Variants in PIGL observed in about 807,000 individuals in gnomAD.
PIGL encodes phosphatidylinositol glycan anchor biosynthesis class L, also known as N-acetylglucosaminyl-phosphatidylinositol de-N-acetylase.
A neutral mutation model predicts 31.1 loss-of-function variants in PIGL; 22 were observed. That is an observed-to-expected ratio of 0.71 (90% CI 0.51 to 1.01). PIGL has a LOEUF of 1.01. PIGL is among the 50% of genes least tolerant of loss of function. The pLI is 0.00. For missense variants in PIGL, 302 were observed against 315.9 expected (o/e 0.96, Z 0.33); for synonymous variants, 131 against 117.4 (o/e 1.12, Z -0.75).
chr17:16,251,064 A>G (rs909240482), intron 2 of PIGL, among the ~76,000 whole-genome samples: 6 of 152,228 alleles, frequency 3.9e-5, no homozygotes, highest in African/African-American at 1.4e-4. Context: ...TGAGGATTCA[A>G]AAACAGAAAG....
intron 3 of PIGL, among the ~76,000 whole-genome samples, chr17:16,302,687 A>G (rs1325192776): frequency 6.6e-6 from 1 of 151,728 alleles, no homozygotes; most frequent in African/African-American, 2.4e-5. Flanking sequence ...GCAGCATCCA[A>G]CTCCCTGGTT....
chr17:16,276,609 C>T (rs1048437148), intron 2 of PIGL, among the ~76,000 whole-genome samples: 5 of 152,256 alleles, frequency 3.3e-5, no homozygotes, highest in African/African-American at 1.2e-4. Flanking sequence ...TGGTGGCGGG[C>T]ACCTGTAATC....
At chr17:16,253,738 A>G (rs562666403) in intron 2 of PIGL, among the ~76,000 whole-genome samples, 47 of 152,280 alleles carry the variant, frequency 3.1e-4, no homozygotes, top group African/African-American at 1.1e-3. Context: ...GTTTGAGCCC[A>G]GGAATTCAAG....
chr17:16,257,469 T>TGAGCCTCTGAAGATGCC (rs1568802120), intron 2 of PIGL, among the ~76,000 whole-genome samples: 2 of 151,980 alleles, frequency 1.3e-5, no homozygotes, highest in East Asian at 3.9e-4. Context: ...CTGAAGATGG[T>TGAGCCTCTGAAGATGCC]GAGCCTCTGA....
intron 2 of PIGL, among the ~76,000 whole-genome samples, chr17:16,274,365 A>T (rs2092884861): frequency 6.6e-6 from 1 of 152,180 alleles, no homozygotes; most frequent in South Asian, 2.1e-4. Context: ...TTGCTGTAGA[A>T]CATAGGTCAC....
At chr17:16,316,538 C>T in intron 4 of PIGL, 143 bp from the exon 5 acceptor site, 1 of 721,494 alleles carries the variant, frequency 1.4e-6, no homozygotes, top group Non-Finnish European at 2.2e-6. Flanking sequence ...GAAATCTATA[C>T]AGTGATTTAT....
chr17:16,233,506 G>C (rs894600337), intron 1 of PIGL, among the ~76,000 whole-genome samples: 1 of 152,096 alleles, frequency 6.6e-6, no homozygotes, highest in African/African-American at 2.4e-5. Flanking sequence ...ATACTCAGGA[G>C]TAGCAACCTC....
intron 2 of PIGL, among the ~76,000 whole-genome samples, chr17:16,252,258 G>A (rs1279947514): frequency 1.3e-5 from 2 of 151,834 alleles, no homozygotes; most frequent in African/African-American, 4.8e-5. Context: ...ATTTTTATTA[G>A]AGACGGTGTT....
chr17:16,283,155 AC>A (rs571552642), intron 2 of PIGL, among the ~76,000 whole-genome samples: 166 of 152,138 alleles, frequency 1.1e-3, no homozygotes, highest in Middle Eastern at 0.01. Flanking sequence ...GTCACACATC[AC>A]CATGCCCAGC....
chr17:16,318,644 C>G (rs2093089116), intron 6 of PIGL, among the ~76,000 whole-genome samples: 1 of 151,864 alleles, frequency 6.6e-6, no homozygotes, highest in South Asian at 2.1e-4. Context: ...TATTTAAAAC[C>G]AGCTTTGGCC....
intron 2 of PIGL, among the ~76,000 whole-genome samples, chr17:16,264,564 C>A (rs1286468407): frequency 6.6e-6 from 1 of 151,748 alleles, no homozygotes; most frequent in Non-Finnish European, 1.5e-5. Context: ...TGCCATGTAA[C>A]CTTTAAGTCA....
In PIGL at chr17:16,278,713, C is replaced by CAAAA. The variant is rs57913710; in HGVS notation, c.336-21166_336-21163dup. 5.7e-3 allele frequency among the ~76,000 whole-genome samples: 843 copies of CAAAA among 147,674 alleles called. 11 individuals are homozygous for CAAAA. Among genetic ancestry groups the CAAAA allele is most frequent in the African/African-American group, 0.02 (794 of 40,520 alleles). ...CAATCCTTTAACCCTTAAATCTAGG[C>CAAAA]AAAAAAAAAAAATCCACATTCACAT... is the stretch of plus-strand genomic sequence containing the variant. On this transcript the variant is annotated intron_variant, in intron 2 of 6. Transcript: ENST00000225609.
intron 2 of PIGL, among the ~76,000 whole-genome samples, chr17:16,266,940 A>G (rs1283610287): frequency 1.4e-5 from 2 of 142,650 alleles, no homozygotes; most frequent in Non-Finnish European, 3.0e-5. Flanking sequence ...AATTAAGTTT[A>G]TGAATCTCCT....
intron 2 of PIGL, among the ~76,000 whole-genome samples, chr17:16,296,959 A>G (rs1416427863): frequency 6.6e-6 from 1 of 151,990 alleles, no homozygotes; most frequent in Non-Finnish European, 1.5e-5. Context: ...TGACCTCGTG[A>G]TCCGCCCGCC....
chr17:16,317,458 C>T, intron 5 of PIGL: 1 of 1,080,770 alleles, frequency 9.3e-7, no homozygotes, highest in Non-Finnish European at 1.1e-6. Flanking sequence ...TCTAAACTCC[C>T]AATACAGTAA....
chr17:16,241,812 A>G (rs1339937392), intron 2 of PIGL, among the ~76,000 whole-genome samples: 1 of 152,134 alleles, frequency 6.6e-6, no homozygotes, highest in African/African-American at 2.4e-5. Flanking sequence ...TTTTTACTAG[A>G]GAGTATTTTT....
chr17:16,255,239 G>C (rs930130649), intron 2 of PIGL, among the ~76,000 whole-genome samples: 6 of 151,956 alleles, frequency 3.9e-5, no homozygotes, highest in African/African-American at 1.2e-4. Flanking sequence ...CTCTCTTCCT[G>C]TTCCTGATTG....
At chr17:16,312,382 T>C (rs2093056422) in intron 3 of PIGL, 1 of 157,204 alleles carries the variant, frequency 6.4e-6, no homozygotes, top group Non-Finnish European at 1.3e-5. Flanking sequence ...GTGGAGGCGC[T>C]CCTCACTTCC....
At chr17:16,282,831 T>C (rs8077885) in intron 2 of PIGL, among the ~76,000 whole-genome samples, 2,572 of 152,188 alleles carry the variant, frequency 0.017, 63 homozygotes, top group African/African-American at 0.058. Flanking sequence ...TCAGCCCCTA[T>C]TATGGGTCCA....
Sources: allele counts gnomAD v4.1 joint callset (sites outside exome capture counted in the v4.1 genomes callset), GRCh38; gene constraint gnomAD v4.1.1; transcripts MANE v1.5; gene names NCBI Gene and HGNC (gene_info 2026-07-23, HGNC 2026-07-21).